Variants in DPP10 observed in about 807,000 individuals in gnomAD.
The protein encoded by DPP10 is dipeptidyl peptidase like 10, also known as inactive dipeptidyl peptidase 10.
A neutral mutation model predicts 120.9 loss-of-function variants in DPP10; 33 were observed. The ratio of observed to expected loss-of-function variants is 0.27; its 90% CI spans 0.21 to 0.37. The LOEUF (loss-of-function observed/expected upper bound fraction) is 0.37. DPP10 is among the 10% of genes least tolerant of loss of function. The probability of loss-of-function intolerance (pLI) is 1.00; values close to 1 mark genes in which losing one functional copy is unlikely to be tolerated. For synonymous variants in DPP10, 337 were observed against 326.1 expected, an observed-to-expected ratio of 1.03 and a Z score of -0.36; for missense variants, 816 against 942.8, an observed-to-expected ratio of 0.87 and a Z score of 1.76.
At chr2:115,666,654 C>T (rs2089478356) in intron 5 of DPP10, among the ~76,000 whole-genome samples, 1 of 152,042 alleles carries the variant, frequency 6.6e-6, no homozygotes, top group Non-Finnish European at 1.5e-5. Flanking sequence ...TGTTTAGTCT[C>T]CTGATGATGG....
chr2:114,793,636 A>C (rs1683440661), intron 1 of DPP10, among the ~76,000 whole-genome samples: 1 of 152,202 alleles, frequency 6.6e-6, no homozygotes, highest in African/African-American at 2.4e-5. Flanking sequence ...AGTTAGTCTT[A>C]ATAGAATGCT....
At chr2:115,772,201 GA>G (rs956050892) in intron 13 of DPP10, among the ~76,000 whole-genome samples, 3 of 152,002 alleles carry the variant, frequency 2.0e-5, no homozygotes, top group African/African-American at 7.2e-5. Flanking sequence ...AAATAATTTT[GA>G]AAAATAATTC....
chr2:115,042,446 G>A (rs1337674690), intron 1 of DPP10, among the ~76,000 whole-genome samples: 2 of 152,022 alleles, frequency 1.3e-5, no homozygotes, highest in Non-Finnish European at 2.9e-5. Context: ...TTTGTATTTT[G>A]AGTAAAGACA....
rs2106105456 is a variant in DPP10, at chr2:114,762,011, C to T, written c.60+319173C>T. ...TGAAATAACACTGTGCTAGCTGCTA[C>T]TTTCCCTGTCTCATTTGAAGATTCA... On this transcript the variant is annotated intron_variant, in intron 1 of 25. Transcript: ENST00000410059. Among the ~76,000 whole-genome samples the T allele has an allele frequency of 2.0e-5, 3 of 152,242 alleles. 1 individual carries two copies. The East Asian group carries it at 5.8e-4, about 29-fold the overall frequency.
At chr2:115,055,962 T>C (rs868470365) in intron 1 of DPP10, among the ~76,000 whole-genome samples, 27 of 152,274 alleles carry the variant, frequency 1.8e-4, no homozygotes, top group Admixed American at 1.5e-3. Flanking sequence ...ATAGAAATTA[T>C]AAAGGATGTA....
intron 1 of DPP10, among the ~76,000 whole-genome samples, chr2:114,499,019 A>T (rs1682922764): frequency 1.3e-5 from 2 of 152,244 alleles, no homozygotes; most frequent in African/African-American, 4.8e-5. Flanking sequence ...GATCTGGAGG[A>T]CAACATGCTG....
In DPP10 at chr2:115,255,360, G is replaced by A. The variant is rs558621029; in HGVS notation, c.61-53879G>A. ...TGCTGCACACAGTAGGGGAGCCTTG[G>A]CCCAGGCCCACAAAACCATTTTTCC... On this transcript the variant is annotated intron_variant, in intron 1 of 25. Transcript: ENST00000410059. Among the ~76,000 whole-genome samples the A allele has an allele frequency of 9.9e-5, 15 of 152,254 alleles. No homozygotes were observed. In the East Asian group the frequency reaches 2.9e-3, roughly 30 times the overall value.
intron 8 of DPP10, among the ~76,000 whole-genome samples, chr2:115,730,358 G>T (rs1035435330): frequency 6.6e-6 from 1 of 152,182 alleles, no homozygotes; most frequent in Non-Finnish European, 1.5e-5. Flanking sequence ...TCTGGTTTGG[G>T]TCACTAGTAA....
intron 1 of DPP10, among the ~76,000 whole-genome samples, chr2:115,278,797 AC>A (rs1385974367): frequency 1.3e-5 from 2 of 152,094 alleles, no homozygotes; most frequent in Non-Finnish European, 2.9e-5. Flanking sequence ...ACTAGGCCCC[AC>A]CTCCAATATT....
intron 1 of DPP10, among the ~76,000 whole-genome samples, chr2:114,581,298 C>T (rs907008174): frequency 9.3e-5 from 14 of 150,224 alleles, no homozygotes; most frequent in Non-Finnish European, 1.8e-4. Context: ...ATTCTCCTGC[C>T]TCAGCCTCCC....
At chr2:114,816,503 T>C (rs894527934) in intron 1 of DPP10, among the ~76,000 whole-genome samples, 5 of 152,168 alleles carry the variant, frequency 3.3e-5, no homozygotes, top group Non-Finnish European at 7.3e-5. Context: ...TAATCTCAGA[T>C]CAATTAGGAT....
At chr2:115,030,511 G>T (rs1415220082) in intron 1 of DPP10, among the ~76,000 whole-genome samples, 2 of 152,126 alleles carry the variant, frequency 1.3e-5, no homozygotes, top group African/African-American at 4.8e-5. Context: ...TTCGGGGTAT[G>T]TGTACAGAAT....
At chr2:114,792,837 A>G (rs1683365522) in intron 1 of DPP10, among the ~76,000 whole-genome samples, 1 of 152,140 alleles carries the variant, frequency 6.6e-6, no homozygotes, top group Non-Finnish European at 1.5e-5. Flanking sequence ...GAGGATTCTT[A>G]GAAGCTTGTA....
chr2:115,799,703 C>T (rs575459303), intron 19 of DPP10, among the ~76,000 whole-genome samples: 3,618 of 149,554 alleles, frequency 0.024, 143 homozygotes, highest in African/African-American at 0.082. Context: ...TTTGTCCTTG[C>T]GATAGTTTGC....
At chr2:115,594,059 A>G (rs2082844851) in intron 5 of DPP10, among the ~76,000 whole-genome samples, 1 of 152,168 alleles carries the variant, frequency 6.6e-6, no homozygotes, top group Non-Finnish European at 1.5e-5. Context: ...TACTTACCAT[A>G]GGTCAGGAAC....
At chr2:115,029,125 A>G (rs1171502278) in intron 1 of DPP10, among the ~76,000 whole-genome samples, 1 of 151,362 alleles carries the variant, frequency 6.6e-6, no homozygotes. Context: ...TTTATAACTC[A>G]TTTTTTTCTT....
intron 1 of DPP10, among the ~76,000 whole-genome samples, chr2:115,278,957 C>T (rs2060029497): frequency 6.6e-6 from 1 of 152,062 alleles, no homozygotes; most frequent in Non-Finnish European, 1.5e-5. Flanking sequence ...TAGAGTTGTG[C>T]TGCCATCACC....
Position 115,354,296 on chromosome 2 carries a change from C to A in DPP10, c.271+10384C>A, listed in dbSNP as rs186406775. Among the ~76,000 whole-genome samples, 251 of 152,180 alleles carry A rather than the reference C, an allele frequency of 1.6e-3. 2 individuals are homozygous for A. The highest frequency in any genetic ancestry group is 5.9e-3 in the African/African-American group (244 of 41,560). Reference sequence around the variant, plus strand: ...CCCAGGTAATGAGCATAGTACCCAACAGATAGTTTTTCAAAGTTTGTCTCC... The same window carrying A: ...CCCAGGTAATGAGCATAGTACCCAAAAGATAGTTTTTCAAAGTTTGTCTCC... On this transcript the variant is annotated intron_variant, in intron 3 of 25. Transcript: ENST00000410059.
intron 1 of DPP10, among the ~76,000 whole-genome samples, chr2:114,634,211 T>C (rs1252707921): frequency 1.3e-5 from 2 of 151,896 alleles, no homozygotes; most frequent in Non-Finnish European, 2.9e-5. Flanking sequence ...TGTTTTATCA[T>C]CTGCTATCTT....
Sources: allele counts gnomAD v4.1 joint callset (sites outside exome capture counted in the v4.1 genomes callset), GRCh38; gene constraint gnomAD v4.1.1; transcripts MANE v1.5; gene names NCBI Gene and HGNC (gene_info 2026-07-23, HGNC 2026-07-21).